Variants in PARD3B observed in about 807,000 individuals in gnomAD.
PARD3B encodes the protein partitioning defective 3 homolog B.
In PARD3B, 103 loss-of-function variants were observed where a neutral mutation model predicts 130.2. That is an observed-to-expected ratio of 0.79 (90% CI 0.67 to 0.93). The LOEUF (loss-of-function observed/expected upper bound fraction) is 0.93, where lower values mean the gene tolerates loss of function less well. Ranked by LOEUF, PARD3B falls within the 40% of genes least tolerant of loss-of-function variation. The pLI is 0.00. For missense variants in PARD3B, 1,609 were observed against 1,499.2 expected (o/e 1.07, Z -1.21); for synonymous variants, 583 against 553.2 (o/e 1.05, Z -0.76).
chr2:205,188,400 A>G (rs561780427), intron 14 of PARD3B, among the ~76,000 whole-genome samples: 7 of 152,294 alleles, frequency 4.6e-5, no homozygotes, highest in South Asian at 2.1e-4. Flanking sequence ...GTGGAGAAGC[A>G]TTGAAGCGCT....
intron 2 of PARD3B, among the ~76,000 whole-genome samples, chr2:204,860,234 A>G (rs890400849): frequency 6.6e-6 from 1 of 152,186 alleles, no homozygotes; most frequent in Non-Finnish European, 1.5e-5. Flanking sequence ...AATCAAAGGA[A>G]ATTGTTTCAT....
At chr2:205,072,240 C>CTTTTT (rs34061560) in intron 4 of PARD3B, among the ~76,000 whole-genome samples, 3 of 140,532 alleles carry the variant, frequency 2.1e-5, no homozygotes, top group African/African-American at 2.6e-5. Flanking sequence ...AATTCAGGTC[C>CTTTTT]TTTTTTTTTT....
intron 10 of PARD3B, among the ~76,000 whole-genome samples, chr2:205,148,737 A>T (rs2033543253): frequency 6.6e-6 from 1 of 152,054 alleles, no homozygotes; most frequent in Admixed American, 6.5e-5. Flanking sequence ...CTTTTTTTAA[A>T]AAAAAAAAGC....
intron 2 of PARD3B, among the ~76,000 whole-genome samples, chr2:204,854,353 A>G (rs185682877): frequency 1.6e-3 from 247 of 152,306 alleles, no homozygotes; most frequent in African/African-American, 5.3e-3. Flanking sequence ...AGGGCATTCC[A>G]TGCTAAAAGT....
intron 2 of PARD3B, among the ~76,000 whole-genome samples, chr2:204,694,700 G>C (rs929713458): frequency 2.0e-5 from 3 of 152,086 alleles, no homozygotes; most frequent in Admixed American, 2.0e-4. Flanking sequence ...AGTGTCAAGA[G>C]ATAGTAACTT....
intron 2 of PARD3B, among the ~76,000 whole-genome samples, chr2:204,873,048 A>G (rs2045689834): frequency 6.6e-6 from 1 of 152,212 alleles, no homozygotes. Context: ...TTAGGTAAGT[A>G]AAAAGATAAA....
intron 2 of PARD3B, among the ~76,000 whole-genome samples, chr2:204,919,749 TC>T (rs2047592560): frequency 6.6e-6 from 1 of 152,146 alleles, no homozygotes; most frequent in Non-Finnish European, 1.5e-5. Flanking sequence ...GTAATCCTCT[TC>T]CCCTTCAAAA....
chr2:204,948,083 T>G (rs537257619), intron 2 of PARD3B, among the ~76,000 whole-genome samples: 11 of 152,206 alleles, frequency 7.2e-5, no homozygotes, highest in Non-Finnish European at 1.5e-4. Flanking sequence ...TAGGATGACT[T>G]CCAATACATA....
Position 205,300,789 on chromosome 2 carries a change from A to G in PARD3B, c.2392+53A>G, listed in dbSNP as rs2041969092. 1.3e-6 allele frequency: 2 copies of G among 1,536,182 alleles called. No homozygotes were observed. Among genetic ancestry groups the G allele is most frequent in the Non-Finnish European group, 1.8e-6 (2 of 1,118,924 alleles). ...TTCTTCATCTCATTATTATCTGCAAATCATGGGCAAGAATGTGTGCTCAAC... is the reference window on the plus strand; with the variant it reads ...TTCTTCATCTCATTATTATCTGCAAGTCATGGGCAAGAATGTGTGCTCAAC... On this transcript the variant is annotated intron_variant, in intron 17 of 22. Coordinates refer to ENST00000406610, the MANE Select transcript of PARD3B (RefSeq NM_001302769.2). The surrounding 1 kb of genome is among the most constrained non-coding windows in gnomAD (Gnocchi z 4.1).
At chr2:204,794,992 G>T (rs2125485388) in intron 2 of PARD3B, among the ~76,000 whole-genome samples, 1 of 152,296 alleles carries the variant, frequency 6.6e-6, no homozygotes, top group South Asian at 2.1e-4. Context: ...GTTAGTTAAA[G>T]ATTGGTGTCA....
At chr2:205,609,182 G>A (rs902123361) in intron 22 of PARD3B, among the ~76,000 whole-genome samples, 3 of 152,306 alleles carry the variant, frequency 2.0e-5, no homozygotes, top group African/African-American at 2.4e-5. Flanking sequence ...TGCCTGGACC[G>A]AGGAGGAAGG....
At chr2:205,112,613 C>T (rs1703723591) in intron 5 of PARD3B, among the ~76,000 whole-genome samples, 1 of 152,026 alleles carries the variant, frequency 6.6e-6, no homozygotes, top group African/African-American at 2.4e-5. Context: ...TTTCTTATGA[C>T]AATTATATTT....
intron 1 of PARD3B, among the ~76,000 whole-genome samples, chr2:204,622,966 C>T (rs2193449): frequency 0.71 from 107,552 of 151,914 alleles, 38,859 homozygotes; most frequent in Middle Eastern, 0.8. Flanking sequence ...ATGTTTGATA[C>T]GTTCCCATTA....
At chr2:204,719,442 A>G (rs1434469147) in intron 2 of PARD3B, among the ~76,000 whole-genome samples, 1 of 152,244 alleles carries the variant, frequency 6.6e-6, no homozygotes, top group Non-Finnish European at 1.5e-5. Context: ...GATCATCTTA[A>G]TAGCAGATAT....
chr2:204,959,809 A>G (rs1690587751), intron 2 of PARD3B, among the ~76,000 whole-genome samples: 1 of 152,184 alleles, frequency 6.6e-6, no homozygotes, highest in Non-Finnish European at 1.5e-5. Flanking sequence ...CTAGTGCCTA[A>G]TCTTTAAATT....
rs2047064908 is a variant in PARD3B at position 204,907,086 on chromosome 2, T to C, written c.223-58066T>C. Among the ~76,000 whole-genome samples, 1 of 152,062 alleles carries C rather than the reference T, an allele frequency of 6.6e-6. No individual in the cohort carries two copies. On this transcript the variant is annotated intron_variant, in intron 2 of 22. Coordinates refer to ENST00000406610, the MANE Select transcript of PARD3B (RefSeq NM_001302769.2). The surrounding 1 kb of genome is among the most constrained non-coding windows in gnomAD (Gnocchi z 5.7). ...ACCTCCACCTCCCGGGTTGTAGCAA[T>C]TCTCCTGCCTCAGCCTCCCAAGTAG...
rs1042920690 is a variant in PARD3B, at chr2:205,416,639, C to A, written c.2741+15516C>A. Among the ~76,000 whole-genome samples the A allele has an allele frequency of 4.6e-5, 7 of 151,912 alleles. No homozygotes were observed. The East Asian group carries it at 1.2e-3, about 25-fold the overall frequency. On this transcript the variant is annotated intron_variant, in intron 19 of 22. Transcript: ENST00000406610. The stretch of plus-strand genomic sequence containing the variant: ...CTGAAAAGAATACAGCTGGCTGGCT[C>A]AAAGAGTTAAGGCAACATGATAATA...
chr2:205,338,011 G>GGGCAT (rs1472898182), intron 18 of PARD3B, among the ~76,000 whole-genome samples: 2 of 151,892 alleles, frequency 1.3e-5, no homozygotes, highest in Non-Finnish European at 2.9e-5. Flanking sequence ...AAAATTAGCC[G>GGGCAT]GGCATGGTGG....
intron 2 of PARD3B, among the ~76,000 whole-genome samples, chr2:204,925,804 G>A (rs1687568888): frequency 6.6e-6 from 1 of 152,078 alleles, no homozygotes; most frequent in South Asian, 2.1e-4. Context: ...TGTCAAGGGA[G>A]GAACCCAGTG....
Sources: allele counts gnomAD v4.1 joint callset (sites outside exome capture counted in the v4.1 genomes callset), GRCh38; gene constraint gnomAD v4.1.1; non-coding constraint Gnocchi (gnomAD v3.1); transcripts MANE v1.5; gene names NCBI Gene and HGNC (gene_info 2026-07-23, HGNC 2026-07-21).